Variants in MYH15 observed in about 807,000 individuals in gnomAD.
MYH15 encodes the protein myosin heavy chain 15.
A neutral mutation model predicts 240.5 loss-of-function variants in MYH15; 227 were observed. That is an observed-to-expected ratio of 0.94 (90% confidence interval 0.85 to 1.05). The LOEUF (loss-of-function observed/expected upper bound fraction) is 1.05, where lower values mean the gene tolerates loss of function less well. Among genes scored for constraint, MYH15 ranks in the 50% least tolerant of loss-of-function variants. The pLI is 0.00. For missense variants in MYH15, 2,217 were observed against 2,247.5 expected, an observed-to-expected ratio of 0.99 and a Z score of 0.27; for synonymous variants, 785 against 796.7, an observed-to-expected ratio of 0.99 and a Z score of 0.25.
the MYH15 span, among the ~76,000 whole-genome samples, chr3:108,549,111 G>A: frequency 1.3e-5 from 2 of 152,022 alleles, no homozygotes; most frequent in Non-Finnish European, 2.9e-5. Flanking sequence ...AAAATTTTAA[G>A]AGGATGCGAG....
intron 36 of MYH15, 56 bp from the exon 37 acceptor site, chr3:108,391,986 T>G: frequency 1.3e-6 from 2 of 1,576,068 alleles, no homozygotes; most frequent in South Asian, 2.3e-5. Flanking sequence ...ATCTTAACAT[T>G]TTTACCCATG....
chr3:108,550,393 T>A, the MYH15 span: 1 of 151,434 alleles, frequency 6.6e-6, no homozygotes, highest in Non-Finnish European at 1.5e-5. Flanking sequence ...AAACTTATAA[T>A]TAATTATAGA....
intron 21 of MYH15, among the ~76,000 whole-genome samples, chr3:108,453,727 C>T (rs968784689): frequency 3.9e-5 from 6 of 152,174 alleles, no homozygotes; most frequent in Admixed American, 2.6e-4. Context: ...AGTCACACCA[C>T]TCTCAGAGAT....
intron 11 of MYH15, among the ~76,000 whole-genome samples, chr3:108,477,901 CA>C (rs1299540980): frequency 2.6e-5 from 4 of 151,996 alleles, no homozygotes; most frequent in African/African-American, 9.7e-5. Flanking sequence ...ATGACACAGG[CA>C]AAAATTTATA....
In MYH15 at chr3:108,485,188, A is replaced by G. The variant is rs746754535; in HGVS notation, c.1017T>C (p.Tyr339=). The part of the protein sequence containing the change: ...DILGFLPDEK[Y]GCYKLTGAIM... ...TGGCTCCAGTGAGTTTATAGCATCC[A>G]TACTTCTCATCAGGAAGAAAGCCCA... is the stretch of plus-strand genomic sequence containing the variant. The change falls in exon 11 of 41, where the codon TAT becomes TAC. Residue 339 remains tyrosine, a synonymous_variant. Transcript: ENST00000693548. The G allele has an allele frequency of 1.2e-6, 2 of 1,614,120 alleles. No individual in the cohort carries two copies. Among genetic ancestry groups the G allele is most frequent in the Non-Finnish European group, 1.7e-6 (2 of 1,179,970 alleles).
intron 4 of MYH15, 88 bp downstream of exon 4, chr3:108,500,030 T>C (rs779335918): frequency 2.2e-5 from 31 of 1,415,224 alleles, no homozygotes; most frequent in Non-Finnish European, 2.8e-5. Flanking sequence ...GGCCATGCTC[T>C]GCTCACAATG....
the MYH15 span, chr3:108,550,626 A>G: frequency 1.3e-5 from 2 of 151,716 alleles, no homozygotes; most frequent in East Asian, 3.9e-4. Flanking sequence ...CAGTATAAAA[A>G]TTATTTTAAA....
At chr3:108,533,137 T>TTC (rs57336631), upstream of MYH15, among the ~76,000 whole-genome samples, 2 of 132,746 alleles carry the variant, frequency 1.5e-5, no homozygotes, top group Middle Eastern at 3.7e-3. Context: ...TTTTTTTTTT[T>TTC]CATGAGTATT....
chr3:108,395,638 T>C (rs991872081), intron 35 of MYH15, among the ~76,000 whole-genome samples: 13 of 148,938 alleles, frequency 8.7e-5, no homozygotes, highest in African/African-American at 3.2e-4. Flanking sequence ...TTTCTTTCTT[T>C]TTTTTTTTTT....
intron 14 of MYH15, among the ~76,000 whole-genome samples, chr3:108,466,778 G>A (rs188759714): frequency 9.2e-5 from 14 of 152,148 alleles, no homozygotes; most frequent in Middle Eastern, 3.4e-3. Flanking sequence ...TCATGGCCCC[G>A]CATGGTTCAA....
chr3:108,394,295 T>C, intron 35 of MYH15, 139 bp from the exon 36 acceptor site: 2 of 1,079,956 alleles, frequency 1.9e-6, no homozygotes, highest in South Asian at 1.6e-5. Context: ...CCTTAAGCAG[T>C]GCTCCCAATC....
chr3:108,508,447 G>T (rs2083495614), intron 1 of MYH15, among the ~76,000 whole-genome samples: 1 of 152,154 alleles, frequency 6.6e-6, no homozygotes, highest in Admixed American at 6.5e-5. Flanking sequence ...TGGCTTTGCT[G>T]GTAAAAAGAT....
chr3:108,439,026 G>T (rs1043050101), intron 24 of MYH15, among the ~76,000 whole-genome samples: 1 of 151,478 alleles, frequency 6.6e-6, no homozygotes, highest in African/African-American at 2.4e-5. Context: ...TTATATAGAG[G>T]CAGGAAGAAA....
chr3:108,447,800 G>C (rs1035804608), intron 21 of MYH15, among the ~76,000 whole-genome samples: 16 of 152,140 alleles, frequency 1.1e-4, no homozygotes, highest in Non-Finnish European at 2.2e-4. Flanking sequence ...TCACTGAAAA[G>C]AATATAGTCA....
chr3:108,414,244 A>C lies in MYH15; in HGVS notation c.4133T>G (p.Leu1378Trp). 1 of 1,613,990 alleles carries C rather than the reference A, an allele frequency of 6.2e-7. No homozygotes were observed. The highest frequency in any genetic ancestry group is 8.5e-7 in the Non-Finnish European group (1 of 1,179,954). The change falls in exon 30 of 41, where the codon TTG becomes TGG. Residue 1378 changes from leucine (L) to tryptophan (W), a missense_variant. Transcript: ENST00000693548. ...TTGCCCTACTCACTTGGCATCCTCC[A>C]AGTCTTCTGTTCTCTGGATGACATT... ...ENNVIQRTED[L>W]EDAKKELAIR...
At chr3:108,487,148 C>A (rs370047146) in intron 9 of MYH15, among the ~76,000 whole-genome samples, 1 of 152,306 alleles carries the variant, frequency 6.6e-6, no homozygotes, top group South Asian at 2.1e-4. Context: ...ATAATCCAGG[C>A]TGAAGCAGAG....
chr3:108,423,708 CAG>C (rs1576224738), intron 27 of MYH15, among the ~76,000 whole-genome samples: 1 of 152,176 alleles, frequency 6.6e-6, no homozygotes, highest in African/African-American at 2.4e-5. Context: ...AACTGAGCAC[CAG>C]AGAGGCTAAA....
At chr3:108,536,267 A>AAAAACAAAAC in the MYH15 span, among the ~76,000 whole-genome samples, 697 of 152,196 alleles carry the variant, frequency 4.6e-3, 3 homozygotes, top group African/African-American at 0.016. Context: ...TTTACCTCAA[A>AAAAACAAAAC]AAAACAAAAC....
At chr3:108,463,758 C>T (rs1322397067) in intron 15 of MYH15, among the ~76,000 whole-genome samples, 1 of 151,846 alleles carries the variant, frequency 6.6e-6, no homozygotes, top group African/African-American at 2.4e-5. Context: ...AGATTCTTAT[C>T]ATTAACATTG....
Sources: allele counts gnomAD v4.1 joint callset (sites outside exome capture counted in the v4.1 genomes callset), GRCh38; gene constraint gnomAD v4.1.1; transcripts MANE v1.5; gene names NCBI Gene and HGNC (gene_info 2026-07-23, HGNC 2026-07-21).